The following IRF2 variants were observed in gnomAD, a reference collection of about 807,000 sequenced individuals.
The protein encoded by IRF2 is interferon regulatory factor 2.
In IRF2, 15 loss-of-function variants were observed where a neutral mutation model predicts 40.6. The ratio of observed to expected loss-of-function variants is 0.37; its 90% CI spans 0.25 to 0.57. IRF2 has a LOEUF of 0.57. Ranked by LOEUF, IRF2 falls within the 20% of genes least tolerant of loss-of-function variation. The pLI is 0.77. For missense variants in IRF2, 317 were observed against 455.7 expected (o/e 0.70, Z 2.77); for synonymous variants, 151 against 165.5 (o/e 0.91, Z 0.67).
chr4:184,463,123 G>C (rs1739201984), intron 1 of IRF2, among the ~76,000 whole-genome samples: 2 of 152,238 alleles, frequency 1.3e-5, no homozygotes. Context: ...CTAGGAATGG[G>C]ATGTAGAGTA....
intron 1 of IRF2, among the ~76,000 whole-genome samples, chr4:184,464,381 G>A (rs1739250371): frequency 6.6e-6 from 1 of 151,376 alleles, no homozygotes; most frequent in African/African-American, 2.4e-5. Context: ...TGAAGGTAGG[G>A]AATGTATAGG....
intron 1 of IRF2, among the ~76,000 whole-genome samples, chr4:184,438,516 A>G (rs1738170959): frequency 6.6e-6 from 1 of 152,174 alleles, no homozygotes; most frequent in South Asian, 2.1e-4. Context: ...AAGGGGTATA[A>G]AAACATTGCA....
At chr4:184,425,587 A>G (rs903152939) in intron 2 of IRF2, among the ~76,000 whole-genome samples, 1 of 152,248 alleles carries the variant, frequency 6.6e-6, no homozygotes, top group Admixed American at 6.5e-5. Flanking sequence ...AGCCTGGCTC[A>G]GGTCCAGCTG....
At chr4:184,445,077 A>G (rs1738453773) in intron 1 of IRF2, among the ~76,000 whole-genome samples, 1 of 152,190 alleles carries the variant, frequency 6.6e-6, no homozygotes, top group Non-Finnish European at 1.5e-5. Context: ...CTTCCCCCAC[A>G]GCACCAATGA....
At chr4:184,460,500 A>C (rs1315625122) in intron 1 of IRF2, among the ~76,000 whole-genome samples, 1 of 152,210 alleles carries the variant, frequency 6.6e-6, no homozygotes, top group Non-Finnish European at 1.5e-5. Context: ...CACAGTTTTA[A>C]AAAGAATGCT....
intron 1 of IRF2, among the ~76,000 whole-genome samples, chr4:184,452,563 T>C (rs1738753925): frequency 1.3e-5 from 2 of 151,896 alleles, no homozygotes; most frequent in South Asian, 4.1e-4. Context: ...TTTGGGCAGG[T>C]TACTGACCTT....
At chr4:184,461,650 G>A (rs1309767229) in intron 1 of IRF2, among the ~76,000 whole-genome samples, 1 of 152,046 alleles carries the variant, frequency 6.6e-6, no homozygotes. Context: ...GATCAAAATA[G>A]TCAACGGTTT....
At chr4:184,458,432 A>T (rs1051730864) in intron 1 of IRF2, among the ~76,000 whole-genome samples, 4 of 152,174 alleles carry the variant, frequency 2.6e-5, no homozygotes, top group Non-Finnish European at 4.4e-5. Flanking sequence ...GCTGTTCAAA[A>T]TTGTCTGCTG....
chr4:184,443,326 A>G (rs960629816), intron 1 of IRF2, among the ~76,000 whole-genome samples: 6 of 152,200 alleles, frequency 3.9e-5, no homozygotes, highest in African/African-American at 9.7e-5. Context: ...AGTAGTGAAC[A>G]TAGTACCCAA....
At chr4:184,410,459 G>C (rs375576566) in intron 5 of IRF2, among the ~76,000 whole-genome samples, 4 of 152,068 alleles carry the variant, frequency 2.6e-5, no homozygotes, top group African/African-American at 9.7e-5. Context: ...CCTCCATGGC[G>C]GCCTGAACTG....
chr4:184,466,984 T>C (rs908000247), intron 1 of IRF2, among the ~76,000 whole-genome samples: 6 of 152,218 alleles, frequency 3.9e-5, no homozygotes, highest in Admixed American at 2.0e-4. Context: ...GTATGGCCCA[T>C]TGATGACCTA....
At chr4:184,406,419 A>G (rs879767348) in intron 6 of IRF2, among the ~76,000 whole-genome samples, 5 of 151,980 alleles carry the variant, frequency 3.3e-5, no homozygotes, top group Admixed American at 2.0e-4. Context: ...TAGTAGAGAC[A>G]GGGTTTCACC....
In IRF2 at chr4:184,388,962, A is replaced by C; in HGVS notation, c.846T>G (p.Thr282=). 1.1e-5 allele frequency: 18 copies of C among 1,614,176 alleles called. No individual in the cohort carries two copies. The highest frequency in any genetic ancestry group is 1.4e-5 in the Non-Finnish European group (17 of 1,180,028). The change falls in exon 9 of 9, where the codon ACT becomes ACG. Residue 282 remains threonine (T), a synonymous_variant. Coordinates refer to ENST00000393593, the MANE Select transcript of IRF2 (RefSeq NM_002199.4). The surrounding 1 kb of genome is among the most constrained non-coding windows in gnomAD (Gnocchi z 4.6). ...YLLPGMASFV[T]SNKPDLQVTI... is the part of the protein sequence containing the mutation. ...TGACCTGGAGGTCCGGTTTGTTGGA[A>C]GTGACGAAGGACGCCATGCCGGGCA...
intron 1 of IRF2, among the ~76,000 whole-genome samples, chr4:184,470,300 G>T (rs879354026): frequency 6.6e-6 from 1 of 152,104 alleles, no homozygotes; most frequent in Non-Finnish European, 1.5e-5. Context: ...ATAAATATAT[G>T]CTATCAGTTA....
At position 184,425,993 on chromosome 4, in the gene IRF2, TG is replaced by T. The variant is rs1353900461; in HGVS notation, c.87+2984del. 1.2e-4 allele frequency among the ~76,000 whole-genome samples: 18 copies of T among 150,628 alleles called. 1 individual carries two copies. Among genetic ancestry groups the T allele is most frequent in the African/African-American group, 2.7e-4 (11 of 40,772 alleles). ...TCACTCCGGTTTTTGTTTGTTTGTT[TG>T]TTTGTTTGTTTGTTTGTTTGTTTTT... On this transcript the variant is annotated intron_variant, in intron 2 of 8. Transcript: ENST00000393593.
At chr4:184,455,301 C>CTTTTT (rs1238177005) in intron 1 of IRF2, among the ~76,000 whole-genome samples, 133 of 31,922 alleles carry the variant, frequency 4.2e-3, no homozygotes, top group South Asian at 8.4e-3. Flanking sequence ...CCTTCTTCTT[C>CTTTTT]TTTTTTTTTT....
intron 1 of IRF2, chr4:184,431,918 A>G (rs1439335742): frequency 6.6e-6 from 1 of 151,560 alleles, no homozygotes; most frequent in Non-Finnish European, 1.5e-5. Context: ...GCCATATGGT[A>G]TGGTTCCTAT....
chr4:184,454,723 G>A (rs11737194), intron 1 of IRF2, among the ~76,000 whole-genome samples: 74,661 of 151,988 alleles, frequency 0.49, 21,463 homozygotes, highest in Non-Finnish European at 0.63. Context: ...CAGATTTGGC[G>A]TCAAGCACAC....
chr4:184,409,195 C>A (rs1262912979), intron 5 of IRF2, among the ~76,000 whole-genome samples: 8 of 152,172 alleles, frequency 5.3e-5, no homozygotes, highest in Non-Finnish European at 1.0e-4. Flanking sequence ...AGAAGGAACA[C>A]AGGACTGGAA....
Sources: gnomAD v4.1 joint callset for allele counts (sites outside exome capture counted in the v4.1 genomes callset) on GRCh38, gnomAD v4.1.1 for gene constraint, Gnocchi (gnomAD v3.1) non-coding constraint, MANE v1.5 for transcripts, NCBI Gene and HGNC (gene_info 2026-07-23, HGNC 2026-07-21) for gene names.